Variants in BCAR3 observed in about 807,000 individuals in gnomAD.
The protein encoded by BCAR3 is BCAR3 adaptor protein, NSP family member.
Under a neutral mutation model 80.1 loss-of-function variants are expected in BCAR3, and 37 were observed. The ratio of observed to expected loss-of-function variants is 0.46; its 90% CI spans 0.36 to 0.61. The LOEUF (loss-of-function observed/expected upper bound fraction) is 0.61, where lower values mean the gene tolerates loss of function less well. BCAR3 is among the 20% of genes least tolerant of loss of function. The pLI is 0.00. For missense variants in BCAR3, 978 were observed against 1,068.2 expected, an observed-to-expected ratio of 0.92 and a Z score of 1.18; for synonymous variants, 389 against 418.9, an observed-to-expected ratio of 0.93 and a Z score of 0.87.
At chr1:93,681,471 TCTA>T (rs1402511281) in intron 1 of BCAR3, 124 bp downstream of exon 1, 4 of 152,106 alleles carry the variant, frequency 2.6e-5, no homozygotes, top group African/African-American at 9.7e-5. Context: ...AAACGCCGGC[TCTA>T]CTTTCCCCAG....
chr1:93,744,954 C>A (rs1651305934), intron 2 of BCAR3, among the ~76,000 whole-genome samples: 1 of 152,220 alleles, frequency 6.6e-6, no homozygotes, highest in Non-Finnish European at 1.5e-5. Context: ...GGGCCAAAAC[C>A]CAAAGGCATT....
intron 8 of BCAR3, among the ~76,000 whole-genome samples, chr1:93,572,513 C>T (rs1026458274): frequency 1.3e-5 from 2 of 152,200 alleles, no homozygotes; most frequent in African/African-American, 4.8e-5. Context: ...TTTTCTCATC[C>T]TAAACTACAT....
chr1:93,831,057 C>T (rs1020256769), intron 2 of BCAR3, among the ~76,000 whole-genome samples: 1 of 152,168 alleles, frequency 6.6e-6, no homozygotes, highest in African/African-American at 2.4e-5. Flanking sequence ...GTGGCGGTCA[C>T]AGACTCAGGA....
intron 9 of BCAR3, among the ~76,000 whole-genome samples, chr1:93,568,901 T>C (rs1212079357): frequency 1.3e-5 from 2 of 152,204 alleles, no homozygotes; most frequent in Non-Finnish European, 2.9e-5. Context: ...CAGCTCACTG[T>C]AGCCTCAACC....
chr1:93,629,248 G>A (rs777628063), intron 3 of BCAR3, among the ~76,000 whole-genome samples: 8 of 152,106 alleles, frequency 5.3e-5, no homozygotes, highest in Non-Finnish European at 8.8e-5. Context: ...CTGGGCACAC[G>A]CTGTCTCCCA....
intron 2 of BCAR3, among the ~76,000 whole-genome samples, chr1:93,766,013 G>A (rs1014789471): frequency 1.3e-5 from 2 of 152,150 alleles, no homozygotes; most frequent in African/African-American, 4.8e-5. Flanking sequence ...AGGCACTATG[G>A]TGTATAGTAG....
intron 2 of BCAR3, chr1:93,720,116 G>T (rs79168547): frequency 0.032 from 4,821 of 152,278 alleles, 99 homozygotes; most frequent in Non-Finnish European, 0.045. Flanking sequence ...TCAAAGAAAT[G>T]AGGTGGTGGC....
chr1:93,741,960 T>C (rs769294667), intron 2 of BCAR3, among the ~76,000 whole-genome samples: 10 of 152,246 alleles, frequency 6.6e-5, no homozygotes, highest in Non-Finnish European at 1.2e-4. Context: ...AAATCATTTG[T>C]CCATCTAACC....
intron 3 of BCAR3, among the ~76,000 whole-genome samples, chr1:93,596,433 A>G (rs952114269): frequency 3.3e-5 from 5 of 152,156 alleles, no homozygotes; most frequent in African/African-American, 1.2e-4. Flanking sequence ...TCTGAACTCA[A>G]TGTGCTTTAA....
chr1:93,814,835 C>T (rs1181060379), intron 2 of BCAR3, among the ~76,000 whole-genome samples: 1 of 152,326 alleles, frequency 6.6e-6, no homozygotes, highest in East Asian at 1.9e-4. Flanking sequence ...GTTTAATCCA[C>T]GGGGCTTTCA....
chr1:93,660,817 C>T (rs1382785642), intron 2 of BCAR3, among the ~76,000 whole-genome samples: 4 of 152,098 alleles, frequency 2.6e-5, no homozygotes, highest in East Asian at 1.9e-4. Context: ...CAGGTTCAAG[C>T]GATTCTCCTG....
At chr1:93,564,905 AAG>A (rs1277233965) in intron 11 of BCAR3, among the ~76,000 whole-genome samples, 2 of 152,180 alleles carry the variant, frequency 1.3e-5, no homozygotes, top group Admixed American at 6.5e-5. Flanking sequence ...AACTCTTTTA[AAG>A]AGAGAGAAGC....
chr1:93,744,165 C>T (rs767284856), intron 2 of BCAR3, among the ~76,000 whole-genome samples: 1 of 152,220 alleles, frequency 6.6e-6, no homozygotes, highest in East Asian at 1.9e-4. Flanking sequence ...CCTCACTTTA[C>T]AGATTGGAAA....
chr1:93,581,567 A>C (rs1673712019), intron 7 of BCAR3, among the ~76,000 whole-genome samples: 1 of 152,034 alleles, frequency 6.6e-6, no homozygotes, highest in Non-Finnish European at 1.5e-5. Flanking sequence ...TGTACCATCA[A>C]GCCCAGCTAA....
chr1:93,607,273 C>T (rs561961299), intron 3 of BCAR3, among the ~76,000 whole-genome samples: 17 of 152,150 alleles, frequency 1.1e-4, no homozygotes, highest in African/African-American at 3.9e-4. Flanking sequence ...TAACCAGCTT[C>T]GGGGTGGAGG....
intron 2 of BCAR3, among the ~76,000 whole-genome samples, chr1:93,824,485 G>C (rs1654316918): frequency 7.5e-6 from 1 of 132,986 alleles, no homozygotes. Context: ...GAGAGGGCTA[G>C]GCTGGGCTCC....
intron 2 of BCAR3, among the ~76,000 whole-genome samples, chr1:93,812,693 T>C (rs569869609): frequency 2.0e-5 from 3 of 152,360 alleles, no homozygotes; most frequent in Admixed American, 2.0e-4. Context: ...ACCTCTTTGA[T>C]TGTGACTCTC....
At chr1:93,820,370 A>ACCCCCACTTCAGATGCCAAT (rs35135739) in intron 2 of BCAR3, among the ~76,000 whole-genome samples, 115 of 152,118 alleles carry the variant, frequency 7.6e-4, no homozygotes, top group Non-Finnish European at 1.3e-3. Flanking sequence ...CATAAAACTG[A>ACCCCCACTTCAGATGCCAAT]CCCCCACTTC....
chr1:93,672,452 TTTAAG>T (rs1469724072), intron 2 of BCAR3, among the ~76,000 whole-genome samples: 1 of 151,850 alleles, frequency 6.6e-6, no homozygotes, highest in Non-Finnish European at 1.5e-5. Context: ...CTCAGGACAG[TTTAAG>T]TTAATAAATG....
Sources: allele counts gnomAD v4.1 joint callset (sites outside exome capture counted in the v4.1 genomes callset), GRCh38; gene constraint gnomAD v4.1.1; transcripts MANE v1.5; gene names NCBI Gene and HGNC (gene_info 2026-07-23, HGNC 2026-07-21).